The following CFAP95 variants were observed in gnomAD, a reference collection of about 807,000 sequenced individuals.
CFAP95 encodes cilia- and flagella-associated protein 95.
the CFAP95 span, among the ~76,000 whole-genome samples, chr9:69,844,014 G>A: frequency 2.0e-5 from 3 of 151,994 alleles, no homozygotes. Flanking sequence ...TTTAAGAACT[G>A]TTTTCTTCTA....
the CFAP95 span, among the ~76,000 whole-genome samples, chr9:69,829,932 A>G: frequency 6.6e-6 from 1 of 152,318 alleles, no homozygotes; most frequent in African/African-American, 2.4e-5. Context: ...CAAGTGACAG[A>G]TGGTCAGCTT....
At chr9:69,889,576 C>T in the CFAP95 span, among the ~76,000 whole-genome samples, 1 of 152,154 alleles carries the variant, frequency 6.6e-6, no homozygotes, top group Non-Finnish European at 1.5e-5. Context: ...CCTAGCCCAC[C>T]AAATTATTCT....
the CFAP95 span, among the ~76,000 whole-genome samples, chr9:69,892,409 A>C: frequency 8.5e-5 from 13 of 152,204 alleles, no homozygotes; most frequent in African/African-American, 3.1e-4. Flanking sequence ...ATCTTCGCTA[A>C]AAGTCAAGAG....
chr9:69,864,375 T>C, the CFAP95 span, among the ~76,000 whole-genome samples: 2 of 151,932 alleles, frequency 1.3e-5, no homozygotes, highest in Admixed American at 1.3e-4. Flanking sequence ...AAGAACATGG[T>C]ATAGAAAAAT....
At chr9:69,877,532 A>G in the CFAP95 span, among the ~76,000 whole-genome samples, 1 of 152,362 alleles carries the variant, frequency 6.6e-6, no homozygotes, top group African/African-American at 2.4e-5. Context: ...TCTTATAGGA[A>G]ACAGATATTT....
the CFAP95 span, among the ~76,000 whole-genome samples, chr9:69,874,252 A>G: frequency 1.3e-5 from 2 of 152,198 alleles, no homozygotes; most frequent in Non-Finnish European, 2.9e-5. Flanking sequence ...TAGTTAATTT[A>G]TAATGAGAAA....
At chr9:69,836,502 G>T in the CFAP95 span, among the ~76,000 whole-genome samples, 1 of 152,024 alleles carries the variant, frequency 6.6e-6, no homozygotes, top group African/African-American at 2.4e-5. Flanking sequence ...GCCACAAATT[G>T]ATCCCCTTCT....
the CFAP95 span, among the ~76,000 whole-genome samples, chr9:69,864,705 TA>T: frequency 1.3e-5 from 2 of 152,178 alleles, no homozygotes; most frequent in Admixed American, 1.3e-4. Context: ...GGCTGCAGTT[TA>T]AATTCTTCCC....
chr9:69,896,271 G>A, the CFAP95 span, among the ~76,000 whole-genome samples: 2 of 152,092 alleles, frequency 1.3e-5, no homozygotes, highest in African/African-American at 2.4e-5. Flanking sequence ...AATCAATTTT[G>A]TGCATTAGAA....
the CFAP95 span, among the ~76,000 whole-genome samples, chr9:69,882,543 T>C: frequency 6.6e-6 from 1 of 152,164 alleles, no homozygotes; most frequent in Non-Finnish European, 1.5e-5. Context: ...TAGGAAAGGC[T>C]TTCAGTTTTT....
the CFAP95 span, among the ~76,000 whole-genome samples, chr9:69,902,852 T>C: frequency 1.3e-5 from 2 of 152,220 alleles, no homozygotes; most frequent in Non-Finnish European, 1.5e-5. Flanking sequence ...CCTAGTTGTA[T>C]GCTTTGTCAC....
the CFAP95 span, among the ~76,000 whole-genome samples, chr9:69,874,944 G>T: frequency 6.6e-6 from 1 of 152,128 alleles, no homozygotes; most frequent in African/African-American, 2.4e-5. Flanking sequence ...AGAACCAGGG[G>T]GATCTGTTTG....
At chr9:69,847,827 G>T in the CFAP95 span, among the ~76,000 whole-genome samples, 1 of 152,298 alleles carries the variant, frequency 6.6e-6, no homozygotes, top group East Asian at 1.9e-4. Flanking sequence ...AAATGCTGCT[G>T]CAGGAGCTAA....
the CFAP95 span, among the ~76,000 whole-genome samples, chr9:69,828,461 G>T: frequency 6.6e-6 from 1 of 152,190 alleles, no homozygotes; most frequent in Non-Finnish European, 1.5e-5. Context: ...TGAGGGGATC[G>T]CTTGAGCCAG....
At chr9:69,873,792 A>AGCCTTTCATTAAGGTT in the CFAP95 span, among the ~76,000 whole-genome samples, 1 of 152,138 alleles carries the variant, frequency 6.6e-6, no homozygotes, top group Non-Finnish European at 1.5e-5. Context: ...GAAACAGTTG[A>AGCCTTTCATTAAGGTT]TCTTTAAGGT....
the CFAP95 span, among the ~76,000 whole-genome samples, chr9:69,887,749 A>G: frequency 2.6e-5 from 4 of 152,334 alleles, no homozygotes; most frequent in South Asian, 8.3e-4. Flanking sequence ...TCAGTAGAAC[A>G]TGGCAAAAGT....
At chr9:69,864,666 T>G in the CFAP95 span, among the ~76,000 whole-genome samples, 2 of 152,110 alleles carry the variant, frequency 1.3e-5, 1 homozygote, top group Non-Finnish European at 2.9e-5. Context: ...GTGTGTGGAG[T>G]GGTCTTCATA....
chr9:69,849,316 A>C, the CFAP95 span, among the ~76,000 whole-genome samples: 42 of 151,604 alleles, frequency 2.8e-4, no homozygotes, highest in Non-Finnish European at 1.2e-4. Context: ...AAATGAAGTA[A>C]GGGAGGGAGG....
At chr9:69,846,060 G>C in the CFAP95 span, among the ~76,000 whole-genome samples, 1 of 152,148 alleles carries the variant, frequency 6.6e-6, no homozygotes, top group African/African-American at 2.4e-5. Flanking sequence ...GGGCAATTCA[G>C]GCATTGCTTG....
Sources: allele counts gnomAD v4.1 joint callset (sites outside exome capture counted in the v4.1 genomes callset), GRCh38; gene constraint gnomAD v4.1.1; transcripts MANE v1.5; gene names NCBI Gene and HGNC (gene_info 2026-07-23, HGNC 2026-07-21).